APBB2: variants seen among roughly 807,000 people sequenced by gnomAD.
APBB2 encodes the protein amyloid beta precursor protein binding family B member 2, also known as Fe65-like 1.
A neutral mutation model predicts 82.5 loss-of-function variants in APBB2; 38 were observed. The ratio of observed to expected loss-of-function variants is 0.46; its 90% CI spans 0.36 to 0.60. The LOEUF (loss-of-function observed/expected upper bound fraction) is 0.60. Ranked by LOEUF, APBB2 falls within the 20% of genes least tolerant of loss-of-function variation. The pLI, the probability that APBB2 is intolerant of heterozygous loss-of-function variation, is 0.00. For missense variants in APBB2, 772 were observed against 972.3 expected, an observed-to-expected ratio of 0.79 and a Z score of 2.74; for synonymous variants, 341 against 368.2, an observed-to-expected ratio of 0.93 and a Z score of 0.85.
chr4:40,961,195 G>A (rs1793108934), intron 6 of APBB2, among the ~76,000 whole-genome samples: 1 of 152,036 alleles, frequency 6.6e-6, no homozygotes, highest in Non-Finnish European at 1.5e-5. Flanking sequence ...TTGGGGTCTT[G>A]TATTACTAAT....
chr4:41,045,451 G>A (rs1333719352), intron 4 of APBB2, among the ~76,000 whole-genome samples: 1 of 151,948 alleles, frequency 6.6e-6, no homozygotes, highest in Non-Finnish European at 1.5e-5. Flanking sequence ...CCACCACCAA[G>A]CCCAGCTAAT....
At chr4:41,114,875 A>T (rs974396524) in intron 2 of APBB2, among the ~76,000 whole-genome samples, 7 of 152,228 alleles carry the variant, frequency 4.6e-5, no homozygotes, top group Non-Finnish European at 4.4e-5. Flanking sequence ...AAGAATCAAT[A>T]TTGTTAAAAT....
intron 4 of APBB2, among the ~76,000 whole-genome samples, chr4:41,034,347 C>A (rs532143805): frequency 6.6e-6 from 1 of 152,026 alleles, no homozygotes; most frequent in Non-Finnish European, 1.5e-5. Context: ...TTTTTTGCAA[C>A]GGAGTCTGGC....
At chr4:41,170,921 T>C (rs1238971140) in intron 1 of APBB2, among the ~76,000 whole-genome samples, 1 of 152,202 alleles carries the variant, frequency 6.6e-6, no homozygotes, top group Non-Finnish European at 1.5e-5. Flanking sequence ...AGGAAGGGTA[T>C]GGATCAATAA....
intron 1 of APBB2, among the ~76,000 whole-genome samples, chr4:41,207,255 C>T (rs1580840789): frequency 6.7e-6 from 1 of 148,458 alleles, no homozygotes; most frequent in Non-Finnish European, 1.5e-5. Context: ...TGTTTTGACA[C>T]TCCTTCTTCA....
chr4:40,831,000 G>A (rs1751682547), intron 12 of APBB2, among the ~76,000 whole-genome samples: 1 of 152,252 alleles, frequency 6.6e-6, no homozygotes, highest in African/African-American at 2.4e-5. Flanking sequence ...TCTGGAGGGT[G>A]AGGTGGGAGA....
chr4:41,165,283 T>C (rs1766213692), intron 1 of APBB2, among the ~76,000 whole-genome samples: 1 of 152,124 alleles, frequency 6.6e-6, no homozygotes, highest in Admixed American at 6.5e-5. Flanking sequence ...TATCTTGGAT[T>C]CTCTGATCCT....
chr4:40,898,858 C>A (rs1473836363), intron 10 of APBB2, among the ~76,000 whole-genome samples: 1 of 62,836 alleles, frequency 1.6e-5, no homozygotes, highest in Non-Finnish European at 3.8e-5. Context: ...CACACACTCA[C>A]ACACACACAC....
intron 1 of APBB2, among the ~76,000 whole-genome samples, chr4:41,178,153 C>T (rs981948328): frequency 2.0e-5 from 3 of 152,116 alleles, no homozygotes; most frequent in Non-Finnish European, 4.4e-5. Context: ...CTCCAGAAAA[C>T]CTTACCCACA....
At chr4:41,087,843 A>G (rs1391147567) in intron 3 of APBB2, among the ~76,000 whole-genome samples, 1 of 152,210 alleles carries the variant, frequency 6.6e-6, no homozygotes, top group Non-Finnish European at 1.5e-5. Flanking sequence ...AATCATCAGA[A>G]AACAATTCTG....
At chr4:41,121,227 T>C (rs1179093739) in intron 2 of APBB2, among the ~76,000 whole-genome samples, 1 of 152,254 alleles carries the variant, frequency 6.6e-6, no homozygotes, top group Non-Finnish European at 1.5e-5. Context: ...GAAATGATAC[T>C]TTTAAAAAAT....
intron 1 of APBB2, among the ~76,000 whole-genome samples, chr4:41,195,939 T>A: frequency 6.6e-6 from 1 of 152,270 alleles, no homozygotes; most frequent in East Asian, 1.9e-4. Context: ...GGCGGGCAGA[T>A]CACAAGGTCA....
At chr4:41,155,914 A>G (rs1023804806) in intron 1 of APBB2, among the ~76,000 whole-genome samples, 1 of 152,230 alleles carries the variant, frequency 6.6e-6, no homozygotes, top group African/African-American at 2.4e-5. Context: ...AAGTGAAATC[A>G]TAATGAATTT....
chr4:41,044,408 A>G (rs1002916690), intron 4 of APBB2, among the ~76,000 whole-genome samples: 3 of 152,156 alleles, frequency 2.0e-5, no homozygotes, highest in African/African-American at 7.2e-5. Context: ...ATGCCCTAAT[A>G]ATCTTTGATA....
chr4:40,859,950 T>G (rs1426620904), intron 12 of APBB2, among the ~76,000 whole-genome samples: 3 of 152,224 alleles, frequency 2.0e-5, no homozygotes, highest in Non-Finnish European at 4.4e-5. Flanking sequence ...AGCCCAAAAG[T>G]TGATTCCTTT....
intron 1 of APBB2, among the ~76,000 whole-genome samples, chr4:41,159,961 G>GAAGAAGAAGAAGAAGA (rs1560913423): frequency 6.3e-4 from 20 of 31,980 alleles, no homozygotes; most frequent in South Asian, 1.8e-3. Flanking sequence ...GAAGGAGAAG[G>GAAGAAGAAGAAGAAGA]AGAAGAAGAA....
At chr4:40,907,565 T>C (rs1038948483) in intron 10 of APBB2, among the ~76,000 whole-genome samples, 33 of 151,048 alleles carry the variant, frequency 2.2e-4, no homozygotes, top group African/African-American at 7.3e-4. Context: ...GAGATGGGGT[T>C]TCGCCCTGTT....
intron 6 of APBB2, among the ~76,000 whole-genome samples, chr4:40,973,612 T>G (rs1796463273): frequency 6.6e-6 from 1 of 152,158 alleles, no homozygotes; most frequent in South Asian, 2.1e-4. Context: ...ACAACAGAAA[T>G]CTATCGTTCC....
chr4:41,212,353 T>C (rs1328366293), intron 1 of APBB2, among the ~76,000 whole-genome samples: 1 of 152,104 alleles, frequency 6.6e-6, no homozygotes, highest in Non-Finnish European at 1.5e-5. Context: ...GCTTTCTTTT[T>C]TTCAGAAACA....
Sources: gnomAD v4.1 joint callset for allele counts (sites outside exome capture counted in the v4.1 genomes callset) on GRCh38, gnomAD v4.1.1 for gene constraint, MANE v1.5 for transcripts, NCBI Gene and HGNC (gene_info 2026-07-23, HGNC 2026-07-21) for gene names.